TADA2B: variants seen among roughly 807,000 people sequenced by gnomAD.
TADA2B encodes transcriptional adapter 2-beta.
TADA2B carries 13 observed loss-of-function variants against 34.5 expected under a neutral mutation model. That is an observed-to-expected ratio of 0.38 (90% CI 0.25 to 0.60). The LOEUF is 0.60. Ranked by LOEUF, TADA2B falls within the 20% of genes least tolerant of loss-of-function variation. TADA2B has a pLI of 0.65. For missense variants in TADA2B, 442 were observed against 575.0 expected (o/e 0.77, Z 2.37); for synonymous variants, 240 against 243.4 (o/e 0.99, Z 0.13).
At chr4:7,047,605 T>G (rs796710125) in intron 1 of TADA2B, among the ~76,000 whole-genome samples, 6 of 152,306 alleles carry the variant, frequency 3.9e-5, no homozygotes, top group African/African-American at 1.4e-4. Context: ...GCCCCTGTGG[T>G]GAGAACAGGC....
Position 7,054,462 on chromosome 4 carries a change from G to T in TADA2B, c.671G>T (p.Arg224Leu), listed in dbSNP as rs370972038. The change falls in exon 2 of 2, where the codon CGT becomes CTT. Residue 224 changes from arginine to leucine, a missense_variant. Arg to Leu is a moderately radical substitution (Grantham distance 102). This residue lies in a region of TADA2B where 222 missense variants were observed against 235.2 expected (regional missense o/e 0.94). Transcript: ENST00000310074. ...KERQRRKNIA[R>L]DYNLVPAFLG... ...AGACAGCGGCGGAAGAACATCGCCC[G>T]TGACTACAATCTGGTGCCAGCCTTC... 3 of 1,613,584 alleles carry T rather than the reference G, an allele frequency of 1.9e-6. No individual in the cohort carries two copies. Among genetic ancestry groups the T allele is most frequent in the African/African-American group, 2.7e-5 (2 of 74,930 alleles).
Position 7,043,861 on chromosome 4 carries a change from GA to G in TADA2B, c.270+13del. The G allele has an allele frequency of 6.9e-7, 1 of 1,456,454 alleles. No homozygotes were observed. Among genetic ancestry groups the G allele is most frequent in the Non-Finnish European group, 9.1e-7 (1 of 1,104,196 alleles). The allele number at this position is 1,456,454 out of a possible 1,614,324, so 90.2% of individuals were successfully genotyped here. On this transcript the variant is annotated intron_variant, in intron 1 of 1. Coordinates refer to ENST00000310074, the MANE Select transcript of TADA2B (RefSeq NM_152293.3). ...GCTTCGGAAACTGGGTGAGCGGCGC[GA>G]CGGGGGCCGGGTCCCGGCTAGGGCA...
chr4:7,054,768 G>T lies in TADA2B; in HGVS notation c.977G>T (p.Gly326Val). The T allele has an allele frequency of 1.2e-6, 2 of 1,613,946 alleles. No individual in the cohort carries two copies. The highest frequency in any genetic ancestry group is 1.7e-6 in the Non-Finnish European group (2 of 1,179,896). The stretch of plus-strand genomic sequence containing the variant: ...AGGAAGGAGAACAAAAACCTAGCCG[G>T]CTCCAAACGGGGAAAGGAGGACGGC... ...EKRKENKNLA[G>V]SKRGKEDGKD... Residue 326 changes from glycine (G) to valine (V), a missense_variant, in exon 2 of 2, where the codon GGC becomes GTC. Physicochemically the swap from Gly to Val is moderately radical, Grantham distance 109. Around this residue, in one of 4 missense-constraint regions of TADA2B, gnomAD observed 114 missense variants for 144.7 expected, o/e 0.79. Transcript: ENST00000310074.
intron 1 of TADA2B, among the ~76,000 whole-genome samples, chr4:7,049,232 C>A (rs1178032106): frequency 2.0e-5 from 3 of 152,170 alleles, no homozygotes; most frequent in Non-Finnish European, 2.9e-5. Flanking sequence ...GCATGTACCA[C>A]CACACCCGCC....
chr4:7,051,422 G>T (rs948601448), intron 1 of TADA2B, among the ~76,000 whole-genome samples: 1 of 152,206 alleles, frequency 6.6e-6, no homozygotes, highest in Non-Finnish European at 1.5e-5. Context: ...GTGCTGGGAA[G>T]CTCCTGACAG....
At position 7,055,107 on chromosome 4, in the gene TADA2B, A is replaced by G. The variant is rs756261927; in HGVS notation, c.*53A>G. ...ATGCTCAGACAGTGTGCCAGCCAAA[A>G]TGACTTGGGGGAGGGGAGCCGCTTC... On this transcript the variant is annotated 3_prime_UTR_variant, in exon 2 of 2. Transcript: ENST00000310074. 2.8e-5 allele frequency: 43 copies of G among 1,521,744 alleles called. No individual in the cohort carries two copies. Among genetic ancestry groups the G allele is most frequent in the Non-Finnish European group, 3.6e-5 (41 of 1,135,670 alleles). 94.3% of individuals were successfully genotyped at this position (1,521,744 alleles called of 1,614,324 possible). A position where few individuals can be genotyped will look rare whatever the true frequency, so the allele number is the denominator to read the frequency against.
chr4:7,051,833 G>A lies in TADA2B; in HGVS notation c.271-2229G>A, dbSNP rs567425329. ...AGGATGGTCTCGATCTCCTGACCTCGTGATCCGCCTGCCTCGGCCTCCCAA... is the reference window on the plus strand; with the variant it reads ...AGGATGGTCTCGATCTCCTGACCTCATGATCCGCCTGCCTCGGCCTCCCAA... On this transcript the variant is annotated intron_variant, in intron 1 of 1. Transcript: ENST00000310074. Among the ~76,000 whole-genome samples the A allele has an allele frequency of 6.6e-5, 10 of 152,282 alleles. No individual in the cohort carries two copies. In the East Asian group the frequency reaches 7.7e-4, roughly 12 times the overall value.
At chr4:7,046,882 C>T (rs1723643817) in intron 1 of TADA2B, among the ~76,000 whole-genome samples, 1 of 152,052 alleles carries the variant, frequency 6.6e-6, no homozygotes, top group South Asian at 2.1e-4. Context: ...ACATTTTGTA[C>T]CAGGGCTGGG....
At chr4:7,048,483 G>A (rs368407578) in intron 1 of TADA2B, among the ~76,000 whole-genome samples, 2 of 152,294 alleles carry the variant, frequency 1.3e-5, no homozygotes, top group South Asian at 4.1e-4. Flanking sequence ...TGCGGCCGCC[G>A]TGGGACCCCA....
chr4:7,052,003 G>C (rs1723782036), intron 1 of TADA2B, among the ~76,000 whole-genome samples: 1 of 152,232 alleles, frequency 6.6e-6, no homozygotes, highest in African/African-American at 2.4e-5. Flanking sequence ...GGGCCCCACT[G>C]ACTCACCTTG....
rs180965571 is a variant in TADA2B, at chr4:7,053,947, C to T, written c.271-115C>T. The T allele has an allele frequency of 7.3e-5, 89 of 1,225,638 alleles. No individual in the cohort carries two copies. The East Asian group carries it at 1.8e-3, about 24-fold the overall frequency. 75.9% of individuals were successfully genotyped at this position (1,225,638 alleles called of 1,614,324 possible). A position where few individuals can be genotyped will look rare whatever the true frequency, so the allele number is the denominator to read the frequency against. On this transcript the variant is annotated intron_variant, in intron 1 of 1. Coordinates refer to ENST00000310074, the MANE Select transcript of TADA2B (RefSeq NM_152293.3). ...GAATGCCTTTGGGGAGGGTGGGTAA[C>T]GGTGCTGTAGGAAGTACTCTAGGTC... is the stretch of plus-strand genomic sequence containing the variant.
In TADA2B at chr4:7,051,238, A is replaced by C. The variant is rs192722782; in HGVS notation, c.271-2824A>C. ...GTCTTGGATAAACCTTCCCTGTGGG[A>C]GGGAAGCTAACAGCATCCAGCGCTG... is the stretch of plus-strand genomic sequence containing the variant. On this transcript the variant is annotated intron_variant, in intron 1 of 1. Transcript: ENST00000310074. 9.9e-5 allele frequency among the ~76,000 whole-genome samples: 15 copies of C among 152,260 alleles called. No homozygotes were observed. The East Asian group carries it at 2.9e-3, about 29-fold the overall frequency.
intron 1 of TADA2B, among the ~76,000 whole-genome samples, chr4:7,051,108 A>G (rs1723757552): frequency 6.6e-6 from 1 of 152,128 alleles, no homozygotes; most frequent in Non-Finnish European, 1.5e-5. Context: ...AACCTGCAAA[A>G]GGAGGGCTGG....
At chr4:7,053,296 C>G (rs919086343) in intron 1 of TADA2B, 1 of 152,284 alleles carries the variant, frequency 6.6e-6, no homozygotes, top group Non-Finnish European at 1.5e-5. Context: ...TTATGGGTTA[C>G]CCTCTTGTAG....
At position 7,054,145 on chromosome 4, in the gene TADA2B, C is replaced by A; in HGVS notation, c.354C>A (p.Asn118Lys). 1 of 1,604,728 alleles carries A rather than the reference C, an allele frequency of 6.2e-7. No individual in the cohort carries two copies. The change falls in exon 2 of 2, where the codon AAC becomes AAA. Residue 118 changes from asparagine (N) to lysine (K), a missense_variant. Around this residue, in one of 4 missense-constraint regions of TADA2B, gnomAD observed 102 missense variants for 177.2 expected, o/e 0.58. Coordinates refer to ENST00000310074, the MANE Select transcript of TADA2B (RefSeq NM_152293.3). ...EHYVSMYIHG[N>K]LGKACIPDTI... ...ACGTGAGCATGTACATCCACGGGAA[C>A]CTGGGGAAGGCCTGCATCCCCGACA... is the stretch of plus-strand genomic sequence containing the variant.
In TADA2B at chr4:7,054,471, A is replaced by G; in HGVS notation, c.680A>G (p.Asn227Ser). The G allele has an allele frequency of 3.7e-6, 6 of 1,613,714 alleles. No homozygotes were observed. Among genetic ancestry groups the G allele is most frequent in the South Asian group, 2.2e-5 (2 of 91,078 alleles). ...QRRKNIARDYNLVPAFLGKDK... is the reference protein window; with the variant it reads ...QRRKNIARDYSLVPAFLGKDK... ...CGGAAGAACATCGCCCGTGACTACA[A>G]TCTGGTGCCAGCCTTCCTGGGGAAG... Residue 227 changes from asparagine (N) to serine (S), a missense_variant, in exon 2 of 2, where the codon AAT becomes AGT. Physicochemically the swap from Asn to Ser is conservative, Grantham distance 46. This residue lies in a region of TADA2B where 222 missense variants were observed against 235.2 expected (regional missense o/e 0.94). Transcript: ENST00000310074.
At chr4:7,051,910 T>A (rs1723779530) in intron 1 of TADA2B, among the ~76,000 whole-genome samples, 1 of 152,190 alleles carries the variant, frequency 6.6e-6, no homozygotes, top group Non-Finnish European at 1.5e-5. Flanking sequence ...AGTAAGATAT[T>A]TTAAAAACAT....
intron 1 of TADA2B, 186 bp from the exon 2 acceptor site, chr4:7,053,876 A>G (rs4689064): frequency 0.19 from 117,777 of 621,630 alleles, 11,880 homozygotes; most frequent in East Asian, 0.33. Context: ...TTGCTTCAAC[A>G]TTGTCATCTC....
In TADA2B at chr4:7,043,459, GGCGGCGGGCGGCGGTTGCTCGTGC is replaced by G. The variant is rs1263362028; in HGVS notation, c.-113_-90del. On this transcript the variant is annotated 5_prime_UTR_variant, in exon 1 of 2. Coordinates refer to ENST00000310074, the MANE Select transcript of TADA2B (RefSeq NM_152293.3). ...CTGGGGCCGCGGTGGCGGCAGCCGC[GGCGGCGGGCGGCGGTTGCTCGTGC>G]GCGGCGGCGGCGGCGGGTCCCGCGG... is the stretch of plus-strand genomic sequence containing the variant. 29 of 414,254 alleles carry G rather than the reference GGCGGCGGGCGGCGGTTGCTCGTGC, an allele frequency of 7.0e-5. No individual in the cohort carries two copies. Among genetic ancestry groups the G allele is most frequent in the Non-Finnish European group, 9.0e-5 (28 of 311,358 alleles). 25.7% of individuals were successfully genotyped at this position (414,254 alleles called of 1,614,324 possible). A position where few individuals can be genotyped will look rare whatever the true frequency, so the allele number is the denominator to read the frequency against.
Sources: allele counts gnomAD v4.1 joint callset (sites outside exome capture counted in the v4.1 genomes callset), GRCh38; gene constraint gnomAD v4.1.1; regional missense constraint gnomAD v4.1.1; transcripts MANE v1.5; gene names NCBI Gene and HGNC (gene_info 2026-07-23, HGNC 2026-07-21).